The following GLRA3 variants were observed in gnomAD, a reference collection of about 807,000 sequenced individuals.
GLRA3 encodes the protein glycine receptor subunit alpha-3.
A neutral mutation model predicts 60.4 loss-of-function variants in GLRA3; 44 were observed. That is an observed-to-expected ratio of 0.73 (90% CI 0.57 to 0.94). The LOEUF (loss-of-function observed/expected upper bound fraction) is 0.94. GLRA3 is among the 40% of genes least tolerant of loss of function. The probability of loss-of-function intolerance (pLI) is 0.00; values close to 1 mark genes in which losing one functional copy is unlikely to be tolerated. For missense variants in GLRA3, 508 were observed against 564.6 expected (o/e 0.90, Z 1.02); for synonymous variants, 223 against 192.9 (o/e 1.16, Z -1.29).
intron 7 of GLRA3, among the ~76,000 whole-genome samples, chr4:174,674,794 G>T (rs952223615): frequency 6.6e-6 from 1 of 152,094 alleles, no homozygotes; most frequent in African/African-American, 2.4e-5. Flanking sequence ...GACTTCTGAG[G>T]GTTCTTTTGT....
Position 174,816,485 on chromosome 4 carries a change from C to T in GLRA3, c.71+12256G>A, listed in dbSNP as rs528844258. 1.6e-4 allele frequency among the ~76,000 whole-genome samples: 25 copies of T among 152,312 alleles called. No individual in the cohort carries two copies. The South Asian group carries it at 3.3e-3, about 20-fold the overall frequency. The stretch of plus-strand genomic sequence containing the variant: ...CTATACATATCTAGAACTTAACTCA[C>T]GATACTTGTCCATAGGACTGTTCCT... On this transcript the variant is annotated intron_variant, in intron 1 of 9. Transcript: ENST00000274093.
At chr4:174,779,573 T>C (rs1738778892) in intron 2 of GLRA3, among the ~76,000 whole-genome samples, 1 of 152,076 alleles carries the variant, frequency 6.6e-6, no homozygotes, top group African/African-American at 2.4e-5. Context: ...GAAAAAAATT[T>C]AGAAGAATGT....
intron 2 of GLRA3, among the ~76,000 whole-genome samples, chr4:174,771,928 A>G (rs1384013015): frequency 6.6e-6 from 1 of 152,160 alleles, no homozygotes; most frequent in African/African-American, 2.4e-5. Context: ...CAAGGTTCTG[A>G]AGTTAGTGAA....
intron 1 of GLRA3, among the ~76,000 whole-genome samples, chr4:174,819,495 C>T (rs946236180): frequency 4.6e-5 from 7 of 152,178 alleles, no homozygotes; most frequent in South Asian, 4.1e-4. Context: ...ATTCCATCCT[C>T]TTTTCTGCCC....
chr4:174,808,548 C>T (rs1740138834), intron 1 of GLRA3, among the ~76,000 whole-genome samples: 1 of 152,096 alleles, frequency 6.6e-6, no homozygotes, highest in African/African-American at 2.4e-5. Flanking sequence ...TTATTTTAGA[C>T]TGCATGCGTT....
chr4:174,693,992 G>C (rs1227555507), intron 5 of GLRA3, among the ~76,000 whole-genome samples: 1 of 152,000 alleles, frequency 6.6e-6, no homozygotes, highest in African/African-American at 2.4e-5. Flanking sequence ...GACAAAGAAG[G>C]GCATTACATA....
chr4:174,751,832 A>C (rs371302206), intron 3 of GLRA3, among the ~76,000 whole-genome samples: 1 of 152,222 alleles, frequency 6.6e-6, no homozygotes, highest in East Asian at 1.9e-4. Flanking sequence ...CTTTTTATGT[A>C]TAATTCAGAG....
intron 3 of GLRA3, among the ~76,000 whole-genome samples, chr4:174,758,890 C>T (rs917048755): frequency 1.3e-5 from 2 of 151,680 alleles, no homozygotes; most frequent in African/African-American, 2.4e-5. Flanking sequence ...TTCTGAGTAA[C>T]TGAGTAACTG....
At chr4:174,721,327 T>C (rs994180177) in intron 4 of GLRA3, among the ~76,000 whole-genome samples, 1 of 152,104 alleles carries the variant, frequency 6.6e-6, no homozygotes, top group Non-Finnish European at 1.5e-5. Flanking sequence ...CATTCATGAA[T>C]TATATAAAGA....
intron 9 of GLRA3, among the ~76,000 whole-genome samples, chr4:174,650,268 G>A (rs1732980239): frequency 6.6e-6 from 1 of 152,090 alleles, no homozygotes. Flanking sequence ...ATTTCTGTTG[G>A]CCCCACTGTA....
At position 174,643,001 on chromosome 4, in the gene GLRA3, C is replaced by T; in HGVS notation, c.*785G>A. ...TAAAAGTCTAACAAAAACAAGGGTG[C>T]TGGCTTGAATTGTTCAATGTTTGGC... On this transcript the variant is annotated 3_prime_UTR_variant, in exon 10 of 10. Transcript: ENST00000274093. 1 of 911,006 alleles carries T rather than the reference C, an allele frequency of 1.1e-6. No homozygotes were observed. The highest frequency in any genetic ancestry group is 1.3e-6 in the Non-Finnish European group (1 of 762,816). 56.4% of individuals were successfully genotyped at this position (911,006 alleles called of 1,614,324 possible). A position where few individuals can be genotyped will look rare whatever the true frequency, so the allele number is the denominator to read the frequency against.
intron 3 of GLRA3, among the ~76,000 whole-genome samples, chr4:174,747,568 G>T (rs998388718): frequency 6.6e-6 from 1 of 152,094 alleles, no homozygotes; most frequent in African/African-American, 2.4e-5. Flanking sequence ...ATTCTGTGAC[G>T]GTTCCTGTCA....
At chr4:174,652,455 C>A (rs1291656902) in intron 9 of GLRA3, among the ~76,000 whole-genome samples, 1 of 152,020 alleles carries the variant, frequency 6.6e-6, no homozygotes, top group Non-Finnish European at 1.5e-5. Context: ...AGTTTACCCA[C>A]AAGTAAACCT....
At chr4:174,751,097 ATCTATCT>A (rs1408571864) in intron 3 of GLRA3, among the ~76,000 whole-genome samples, 4 of 151,170 alleles carry the variant, frequency 2.6e-5, no homozygotes, top group Non-Finnish European at 4.4e-5. Flanking sequence ...CTATCTATCT[ATCTATCT>A]ATCAATCATC....
At position 174,640,327 on chromosome 4, in the gene GLRA3, A is replaced by T. The variant is rs903534327; in HGVS notation, c.*3459T>A. On this transcript the variant is annotated 3_prime_UTR_variant, in exon 10 of 10. Coordinates refer to ENST00000274093, the MANE Select transcript of GLRA3 (RefSeq NM_006529.4). Reference sequence around the variant, plus strand: ...TTTCCATTTACAAAATACTGCAAGTATTTTCCATTTCAATTTTGGCAAGTC... The same window carrying T: ...TTTCCATTTACAAAATACTGCAAGTTTTTTCCATTTCAATTTTGGCAAGTC... 6.6e-6 allele frequency: 1 copy of T among 152,016 alleles called. No homozygotes were observed. Among genetic ancestry groups the T allele is most frequent in the African/African-American group, 2.4e-5 (1 of 41,414 alleles). 9.4% of individuals were successfully genotyped at this position (152,016 alleles called of 1,614,324 possible). A position where few individuals can be genotyped will look rare whatever the true frequency, so the allele number is the denominator to read the frequency against.
Position 174,642,299 on chromosome 4 carries a change from C to T in GLRA3, c.*1487G>A, listed in dbSNP as rs1452534291. Reference sequence around the variant, plus strand: ...AAATAGCATCTTGTTAAAGAACTGGCTTTTCTATTGTACATCTGAGTTCAT... The same window carrying T: ...AAATAGCATCTTGTTAAAGAACTGGTTTTTCTATTGTACATCTGAGTTCAT... On this transcript the variant is annotated 3_prime_UTR_variant, in exon 10 of 10. Transcript: ENST00000274093. 2.1e-6 allele frequency: 2 copies of T among 959,878 alleles called. No homozygotes were observed. The highest frequency in any genetic ancestry group is 1.8e-5 in the African/African-American group (1 of 55,742). The allele number at this position is 959,878 out of a possible 1,614,324, so 59.5% of individuals were successfully genotyped here. A position where few individuals can be genotyped will look rare whatever the true frequency, so the allele number is the denominator to read the frequency against.
At chr4:174,711,708 G>A (rs1579488890) in intron 5 of GLRA3, among the ~76,000 whole-genome samples, 2 of 152,146 alleles carry the variant, frequency 1.3e-5, no homozygotes, top group Admixed American at 1.3e-4. Context: ...CTAAAATGCT[G>A]GGATTAAAGG....
chr4:174,761,891 A>T (rs1050977092), intron 3 of GLRA3, among the ~76,000 whole-genome samples: 1 of 152,188 alleles, frequency 6.6e-6, no homozygotes, highest in Non-Finnish European at 1.5e-5. Context: ...TTGAATAAAA[A>T]GTTAGGAAAA....
At chr4:174,692,255 C>T (rs567553116) in intron 5 of GLRA3, among the ~76,000 whole-genome samples, 17,290 of 147,352 alleles carry the variant, frequency 0.12, 1,434 homozygotes, top group Non-Finnish European at 0.17. Context: ...CCGCCCCATC[C>T]GCGAGGGAGG....
Sources: gnomAD v4.1 joint callset for allele counts (sites outside exome capture counted in the v4.1 genomes callset) on GRCh38, gnomAD v4.1.1 for gene constraint, MANE v1.5 for transcripts, NCBI Gene and HGNC (gene_info 2026-07-23, HGNC 2026-07-21) for gene names.